DIAPH3: variants seen among roughly 807,000 people sequenced by gnomAD.
The protein encoded by DIAPH3 is protein diaphanous homolog 3.
A neutral mutation model predicts 144.3 loss-of-function variants in DIAPH3; 117 were observed. The observed-to-expected ratio is 0.81, with a 90% CI of 0.70 to 0.95. The LOEUF (loss-of-function observed/expected upper bound fraction) is 0.95. DIAPH3 is among the 40% of genes least tolerant of loss of function. The probability of loss-of-function intolerance (pLI) is 0.00; values close to 1 mark genes in which losing one functional copy is unlikely to be tolerated. For synonymous variants in DIAPH3, 519 were observed against 488.9 expected (o/e 1.06, Z -0.81); for missense variants, 1,421 against 1,412.7 (o/e 1.01, Z -0.09).
chr13:59,810,556 A>C (rs1173389563), intron 25 of DIAPH3, among the ~76,000 whole-genome samples: 2 of 152,230 alleles, frequency 1.3e-5, no homozygotes, highest in Admixed American at 1.3e-4. Context: ...GAACGAAAAC[A>C]GCATAACAGA....
chr13:59,920,178 C>T (rs975215277), intron 18 of DIAPH3, among the ~76,000 whole-genome samples: 13 of 151,802 alleles, frequency 8.6e-5, no homozygotes, highest in South Asian at 4.1e-4. Flanking sequence ...ATCAACAAAA[C>T]GGTAGTTATA....
At chr13:59,704,615 A>G (rs995820375) in intron 27 of DIAPH3, among the ~76,000 whole-genome samples, 2 of 152,158 alleles carry the variant, frequency 1.3e-5, no homozygotes, top group Non-Finnish European at 2.9e-5. Context: ...CATTTTTACT[A>G]TACCTTTTTT....
intron 3 of DIAPH3, among the ~76,000 whole-genome samples, chr13:60,108,915 G>A (rs1225835): frequency 0.63 from 94,889 of 151,784 alleles, 30,101 homozygotes; most frequent in Admixed American, 0.71. Flanking sequence ...TGTGTATTTA[G>A]GAAATATGAT....
At chr13:59,905,174 C>G (rs139997325) in intron 20 of DIAPH3, among the ~76,000 whole-genome samples, 2,337 of 151,480 alleles carry the variant, frequency 0.015, 40 homozygotes, top group Admixed American at 0.047. Flanking sequence ...AACCCCGTCT[C>G]TACTAAAAAC....
intron 20 of DIAPH3, among the ~76,000 whole-genome samples, chr13:59,888,989 G>A (rs1411670070): frequency 6.6e-6 from 1 of 151,882 alleles, no homozygotes. Flanking sequence ...TTTCCTACAT[G>A]TACTGTGCCT....
chr13:59,806,732 G>A (rs1015146951), intron 25 of DIAPH3, among the ~76,000 whole-genome samples: 3 of 151,796 alleles, frequency 2.0e-5, no homozygotes, highest in Non-Finnish European at 2.9e-5. Flanking sequence ...AAAAAAACTT[G>A]ATGAATAAAA....
At chr13:59,793,070 T>G (rs2039408048) in intron 25 of DIAPH3, among the ~76,000 whole-genome samples, 1 of 152,200 alleles carries the variant, frequency 6.6e-6, no homozygotes, top group Non-Finnish European at 1.5e-5. Flanking sequence ...AAGGCCTTCC[T>G]TTTAGATAGA....
intron 17 of DIAPH3, among the ~76,000 whole-genome samples, chr13:59,957,894 G>A (rs1011579837): frequency 7.2e-5 from 11 of 152,072 alleles, no homozygotes; most frequent in African/African-American, 2.7e-4. Flanking sequence ...GAAACAGAAA[G>A]CCAAACTGTC....
At chr13:59,846,788 CTG>C (rs1330879855) in intron 22 of DIAPH3, among the ~76,000 whole-genome samples, 1 of 152,082 alleles carries the variant, frequency 6.6e-6, no homozygotes, top group Non-Finnish European at 1.5e-5. Flanking sequence ...TTGAAAGAAA[CTG>C]TGCTGCCGGG....
intron 21 of DIAPH3, among the ~76,000 whole-genome samples, chr13:59,874,790 C>T (rs935762141): frequency 1.3e-5 from 2 of 152,136 alleles, no homozygotes; most frequent in Non-Finnish European, 2.9e-5. Context: ...ATATCTATTA[C>T]CCCAATATAG....
chr13:60,121,486 A>G (rs1310131299), intron 2 of DIAPH3, among the ~76,000 whole-genome samples: 1 of 152,192 alleles, frequency 6.6e-6, no homozygotes, highest in Non-Finnish European at 1.5e-5. Flanking sequence ...GAAGACCTAC[A>G]GTTGAGACCA....
intron 5 of DIAPH3, among the ~76,000 whole-genome samples, chr13:60,040,721 C>T (rs558212613): frequency 6.6e-6 from 1 of 152,136 alleles, no homozygotes; most frequent in Admixed American, 6.5e-5. Flanking sequence ...CCCCAGTCAA[C>T]ACCCCCAATA....
intron 24 of DIAPH3, among the ~76,000 whole-genome samples, chr13:59,828,044 A>C (rs2041551028): frequency 6.6e-6 from 1 of 152,070 alleles, no homozygotes; most frequent in Non-Finnish European, 1.5e-5. Flanking sequence ...ATGCTATACA[A>C]CACTACATGA....
intron 4 of DIAPH3, among the ~76,000 whole-genome samples, chr13:60,050,857 G>A (rs2056311114): frequency 6.6e-6 from 1 of 152,106 alleles, no homozygotes; most frequent in South Asian, 2.1e-4. Context: ...CTACTGCATT[G>A]TCTGGTCAAG....
At chr13:59,740,932 T>C (rs1334898955) in intron 27 of DIAPH3, among the ~76,000 whole-genome samples, 41 of 152,186 alleles carry the variant, frequency 2.7e-4, no homozygotes, top group Non-Finnish European at 7.3e-5. Flanking sequence ...AAGGAATCTA[T>C]GCCCAAGGCT....
chr13:59,785,079 C>A (rs1269110030), intron 25 of DIAPH3, among the ~76,000 whole-genome samples: 2 of 152,106 alleles, frequency 1.3e-5, no homozygotes, highest in South Asian at 2.1e-4. Context: ...AGATGTGAAA[C>A]TGAAAATTTA....
chr13:59,725,985 TA>T (rs1665846929), intron 27 of DIAPH3, among the ~76,000 whole-genome samples: 1 of 152,202 alleles, frequency 6.6e-6, no homozygotes, highest in Admixed American at 6.5e-5. Flanking sequence ...AATTACTTAT[TA>T]AAATTCCAAC....
chr13:59,968,819 C>T (rs1317272185), intron 17 of DIAPH3, among the ~76,000 whole-genome samples: 1 of 152,174 alleles, frequency 6.6e-6, no homozygotes, highest in Non-Finnish European at 1.5e-5. Context: ...TCTTTGGCTG[C>T]TGTGCTCAAG....
intron 27 of DIAPH3, among the ~76,000 whole-genome samples, chr13:59,709,343 C>A (rs561769101): frequency 6.6e-6 from 1 of 152,242 alleles, no homozygotes; most frequent in African/African-American, 2.4e-5. Context: ...GCAACCTACT[C>A]ATCTGACAAA....
Sources: gnomAD v4.1 joint callset for allele counts (sites outside exome capture counted in the v4.1 genomes callset) on GRCh38, gnomAD v4.1.1 for gene constraint, MANE v1.5 for transcripts, NCBI Gene and HGNC (gene_info 2026-07-23, HGNC 2026-07-21) for gene names.